The following SGCD variants were observed in gnomAD, a reference collection of about 807,000 sequenced individuals.
SGCD encodes the protein delta-sarcoglycan.
In SGCD, 18 loss-of-function variants were observed where a neutral mutation model predicts 36.6. The observed-to-expected ratio is 0.49, with a 90% CI of 0.34 to 0.73. SGCD has a LOEUF of 0.73. SGCD is among the 30% of genes least tolerant of loss of function. The probability of loss-of-function intolerance (pLI) is 0.01; values close to 1 mark genes in which losing one functional copy is unlikely to be tolerated. For missense variants in SGCD, 387 were observed against 346.7 expected, an observed-to-expected ratio of 1.12 and a Z score of -0.92; for synonymous variants, 133 against 130.6, an observed-to-expected ratio of 1.02 and a Z score of -0.12.
the SGCD span, among the ~76,000 whole-genome samples, chr5:155,798,624 T>C: frequency 0.017 from 2,589 of 152,354 alleles, 83 homozygotes; most frequent in African/African-American, 0.058. Context: ...TCTCTTCTAA[T>C]GTTACATCTT....
chr5:156,209,574 TG>T (rs75981197), intron 3 of SGCD, among the ~76,000 whole-genome samples: 1 of 152,314 alleles, frequency 6.6e-6, no homozygotes, highest in East Asian at 1.9e-4. Flanking sequence ...ACTGTTCCAG[TG>T]GCCTCAAGGA....
chr5:156,149,783 A>G (rs1762791269), intron 3 of SGCD, among the ~76,000 whole-genome samples: 1 of 152,040 alleles, frequency 6.6e-6, no homozygotes, highest in Non-Finnish European at 1.5e-5. Context: ...TATTTAAGTG[A>G]GCCTATGGTT....
At position 156,149,796 on chromosome 5, in the gene SGCD, C is replaced by A. The variant is rs577797150; in HGVS notation, c.-44+25777C>A. 3.9e-5 allele frequency among the ~76,000 whole-genome samples: 6 copies of A among 152,210 alleles called. No homozygotes were observed. The East Asian group carries it at 1.2e-3, about 29-fold the overall frequency. ...TGTATTTAAGTGAGCCTATGGTTTG[C>A]AAGGCTATCATTTGTGAGATGCTGA... On this transcript the variant is annotated intron_variant, in intron 3 of 9. Coordinates refer to the SGCD transcript ENST00000517913.
the SGCD span, among the ~76,000 whole-genome samples, chr5:155,854,059 AT>A: frequency 6.6e-6 from 1 of 152,150 alleles, no homozygotes; most frequent in African/African-American, 2.4e-5. Context: ...ATTTAACCTT[AT>A]TTTTTAAAAA....
chr5:156,664,939 G>T (rs1764082526), intron 7 of SGCD, among the ~76,000 whole-genome samples: 1 of 148,140 alleles, frequency 6.8e-6, no homozygotes, highest in Admixed American at 6.7e-5. Context: ...GAATTGCCAT[G>T]CCTCAGTATC....
At chr5:156,334,704 G>T (rs1768252139) in intron 2 of SGCD, among the ~76,000 whole-genome samples, 2 of 145,344 alleles carry the variant, frequency 1.4e-5, no homozygotes, top group South Asian at 4.3e-4. Context: ...ATTCGCTGGT[G>T]TTTATGTTTA....
the SGCD span, among the ~76,000 whole-genome samples, chr5:155,738,048 C>A: frequency 6.6e-6 from 1 of 151,934 alleles, no homozygotes; most frequent in Non-Finnish European, 1.5e-5. Flanking sequence ...TGCCCTTAAT[C>A]CCTCTATATG....
At chr5:155,883,813 A>T (rs1755942291) in intron 1 of SGCD, among the ~76,000 whole-genome samples, 1 of 151,318 alleles carries the variant, frequency 6.6e-6, no homozygotes, top group South Asian at 2.1e-4. Flanking sequence ...AAAAAAAAAA[A>T]AGAAAAGCAC....
At chr5:155,933,857 G>A (rs537902231) in intron 1 of SGCD, among the ~76,000 whole-genome samples, 1 of 152,280 alleles carries the variant, frequency 6.6e-6, no homozygotes, top group Admixed American at 6.5e-5. Context: ...TATCTTCAGA[G>A]AAGACCGTCA....
At chr5:155,777,742 C>T in the SGCD span, among the ~76,000 whole-genome samples, 2 of 152,054 alleles carry the variant, frequency 1.3e-5, no homozygotes, top group African/African-American at 4.8e-5. Flanking sequence ...TGGTTATGGT[C>T]TTCTTATATA....
At chr5:156,269,208 A>G (rs1242950005) in intron 3 of SGCD, among the ~76,000 whole-genome samples, 4 of 151,828 alleles carry the variant, frequency 2.6e-5, no homozygotes, top group African/African-American at 9.7e-5. Context: ...GGTGGCTCAC[A>G]CCTGTAATCC....
chr5:156,452,302 C>T (rs1754055875), intron 3 of SGCD, among the ~76,000 whole-genome samples: 2 of 151,010 alleles, frequency 1.3e-5, no homozygotes, highest in African/African-American at 5.0e-5. Flanking sequence ...TATAGTCTCT[C>T]ACTAAGTTTT....
At chr5:156,499,703 C>T (rs556899190) in intron 3 of SGCD, among the ~76,000 whole-genome samples, 17 of 152,132 alleles carry the variant, frequency 1.1e-4, no homozygotes, top group Admixed American at 4.6e-4. Flanking sequence ...GAAGGGAGAC[C>T]GGTAAGAGAC....
the SGCD span, among the ~76,000 whole-genome samples, chr5:155,820,060 G>A: frequency 8.5e-5 from 13 of 152,254 alleles, no homozygotes; most frequent in East Asian, 1.9e-4. Context: ...TGCAAGACCA[G>A]AATGTCCAAG....
chr5:156,161,486 GCATCGT>G (rs1763086070), intron 3 of SGCD, among the ~76,000 whole-genome samples: 1 of 151,858 alleles, frequency 6.6e-6, no homozygotes, highest in South Asian at 2.1e-4. Context: ...AATCCCAAGG[GCATCGT>G]CTGTTGTCTG....
chr5:156,722,682 C>T (rs79857689), intron 7 of SGCD, among the ~76,000 whole-genome samples: 5,046 of 152,338 alleles, frequency 0.033, 126 homozygotes, highest in Non-Finnish European at 0.045. Context: ...AATGCTTCTT[C>T]CAGTTCCAGA....
Position 156,611,674 on chromosome 5 carries a change from G to A in SGCD, c.502+16623G>A, listed in dbSNP as rs1761818849. On this transcript the variant is annotated intron_variant, in intron 6 of 8. Coordinates refer to ENST00000337851, the MANE Select transcript of SGCD (RefSeq NM_000337.6). ...TATTATTTTGTTAAATTAGTTTTCT[G>A]TGCCTTTCTTCATCTATTCCCCATC... 3.9e-5 allele frequency among the ~76,000 whole-genome samples: 6 copies of A among 152,232 alleles called. No homozygotes were observed. The South Asian group carries it at 1.2e-3, about 32-fold the overall frequency.
rs755830368 is a variant in SGCD at position 156,102,880 on chromosome 5, AAC to A, written c.-281-14990_-281-14989del. ...ATACACACTATATAAATATACACAT[AAC>A]ACACACATATAAATTGACATACATA... On this transcript the variant is annotated intron_variant, in intron 1 of 9. Coordinates refer to the SGCD transcript ENST00000517913. Among the ~76,000 whole-genome samples, 10 of 152,318 alleles carry A rather than the reference AAC, an allele frequency of 6.6e-5. No homozygotes were observed. In the East Asian group the frequency reaches 9.6e-4, roughly 15 times the overall value.
At chr5:156,376,588 A>T (rs1269077002) in intron 3 of SGCD, among the ~76,000 whole-genome samples, 1 of 152,218 alleles carries the variant, frequency 6.6e-6, no homozygotes, top group Non-Finnish European at 1.5e-5. Context: ...CCCATTTACA[A>T]ATGGAGCAGC....
Sources: gnomAD v4.1 joint callset for allele counts (sites outside exome capture counted in the v4.1 genomes callset) on GRCh38, gnomAD v4.1.1 for gene constraint, MANE v1.5 for transcripts, NCBI Gene and HGNC (gene_info 2026-07-23, HGNC 2026-07-21) for gene names.